The following FAM124A variants were observed in gnomAD, a reference collection of about 807,000 sequenced individuals.
FAM124A encodes the protein protein FAM124A.
Under a neutral mutation model 24.5 loss-of-function variants are expected in FAM124A, and 23 were observed. The ratio of observed to expected loss-of-function variants is 0.94; its 90% CI spans 0.68 to 1.33. The LOEUF is 1.33. FAM124A is among the 40% of genes most tolerant of loss of function. The pLI, the probability that FAM124A is intolerant of heterozygous loss-of-function variation, is 0.00. For synonymous variants in FAM124A, 287 were observed against 314.7 expected (o/e 0.91, Z 0.93); for missense variants, 623 against 722.8 (o/e 0.86, Z 1.58).
chr13:51,272,404 G>A lies in FAM124A; in HGVS notation c.835-8046G>A, dbSNP rs1351584198. 6.6e-6 allele frequency among the ~76,000 whole-genome samples: 1 copy of A among 152,162 alleles called. No individual in the cohort carries two copies. The highest frequency in any genetic ancestry group is 2.4e-5 in the African/African-American group (1 of 41,424). On this transcript the variant is annotated intron_variant, in intron 3 of 3. Transcript: ENST00000322475. This position sits in a 1 kb window ranked among gnomAD's most constrained non-coding sequence, Gnocchi z 4.2. ...GGCCTGGGCCCTAAGAAAGGAGCAG[G>A]AGGGAGATGGCCGGGCTAAATGGGA...
chr13:51,274,666 C>T (rs1472022377), intron 3 of FAM124A, among the ~76,000 whole-genome samples: 1 of 152,116 alleles, frequency 6.6e-6, no homozygotes, highest in Admixed American at 6.5e-5. Flanking sequence ...TCATAACTTA[C>T]ACACATATAA....
chr13:51,250,777 C>G (rs1954611896), intron 2 of FAM124A, among the ~76,000 whole-genome samples: 1 of 152,206 alleles, frequency 6.6e-6, no homozygotes, highest in South Asian at 2.1e-4. Context: ...TCATCCTTCC[C>G]TGTGTCTCCA....
chr13:51,233,230 G>A (rs527858343), intron 2 of FAM124A, among the ~76,000 whole-genome samples: 39 of 151,920 alleles, frequency 2.6e-4, no homozygotes, highest in South Asian at 6.3e-4. Context: ...TGACTACACC[G>A]TTCTCAGCTT....
At position 51,235,303 on chromosome 13, in the gene FAM124A, T is replaced by C. The variant is rs17075439; in HGVS notation, c.100+3924T>C. On this transcript the variant is annotated intron_variant, in intron 2 of 3. Coordinates refer to ENST00000322475, the MANE Select transcript of FAM124A (RefSeq NM_001242312.2). The stretch of plus-strand genomic sequence containing the variant: ...ATCTAATGAGATCATCAAGCCACTA[T>C]GTACAATTTACATTCTTATGCAGTT... Among the ~76,000 whole-genome samples, 1,195 of 152,270 alleles carry C rather than the reference T, an allele frequency of 7.8e-3. 16 individuals are homozygous for C. The highest frequency in any genetic ancestry group is 0.027 in the African/African-American group (1,119 of 41,528).
chr13:51,269,600 G>GA (rs1283200084), intron 3 of FAM124A, among the ~76,000 whole-genome samples: 1 of 152,082 alleles, frequency 6.6e-6, no homozygotes, highest in Non-Finnish European at 1.5e-5. Flanking sequence ...TACTTAAAAA[G>GA]AAAATCAATA....
rs143119311 is a variant in FAM124A at position 51,280,881 on chromosome 13, A to G, written c.1266A>G (p.Ser422=). Residue 422 remains serine, a synonymous_variant, in exon 4 of 4, where the codon TCA becomes TCG. Coordinates refer to ENST00000322475, the MANE Select transcript of FAM124A (RefSeq NM_001242312.2). ...TDVDTGLRLS[S]SDLSVVSAYS... ...TGGACACAGGCCTGCGGCTGTCCTC[A>G]TCGGACCTGTCTGTGGTCTCTGCAT... 136 of 1,614,184 alleles carry G rather than the reference A, an allele frequency of 8.4e-5. No individual in the cohort carries two copies. In the African/African-American group the frequency reaches 1.1e-3, roughly 13 times the overall value.
At position 51,258,364 on chromosome 13, in the gene FAM124A, T is replaced by G. The variant is rs952778508; in HGVS notation, c.834+6163T>G. Among the ~76,000 whole-genome samples the G allele has an allele frequency of 6.6e-6, 1 of 152,220 alleles. No homozygotes were observed. Among genetic ancestry groups the G allele is most frequent in the Non-Finnish European group, 1.5e-5 (1 of 68,038 alleles). Reference sequence around the variant, plus strand: ...AACCCATAACAACTATCTTGTATATTTATCTGTTTACTTGTATCTGATCTG... The same window carrying G: ...AACCCATAACAACTATCTTGTATATGTATCTGTTTACTTGTATCTGATCTG... On this transcript the variant is annotated intron_variant, in intron 3 of 3. Transcript: ENST00000322475. The surrounding 1 kb of genome is among the most constrained non-coding windows in gnomAD (Gnocchi z 4.2).
Position 51,281,342 on chromosome 13 carries a change from C to T in FAM124A, c.*86C>T. The T allele has an allele frequency of 1.5e-6, 2 of 1,300,492 alleles. No individual in the cohort carries two copies. Among genetic ancestry groups the T allele is most frequent in the Non-Finnish European group, 2.1e-6 (2 of 967,666 alleles). 80.6% of individuals were successfully genotyped at this position (1,300,492 alleles called of 1,614,324 possible). ...GCCCCTCTGGCCACTGAGCACACCACATTCTTCATGATCCATTTCCCAGGA... is the reference window on the plus strand; with the variant it reads ...GCCCCTCTGGCCACTGAGCACACCATATTCTTCATGATCCATTTCCCAGGA... On this transcript the variant is annotated 3_prime_UTR_variant, in exon 4 of 4. Coordinates refer to ENST00000322475, the MANE Select transcript of FAM124A (RefSeq NM_001242312.2).
At chr13:51,273,553 G>A (rs1219842194) in intron 3 of FAM124A, among the ~76,000 whole-genome samples, 4 of 151,952 alleles carry the variant, frequency 2.6e-5, no homozygotes, top group African/African-American at 4.8e-5. Context: ...GACTACAGGC[G>A]TGTAACATTG....
At chr13:51,227,773 A>G (rs1324372933) in intron 1 of FAM124A, among the ~76,000 whole-genome samples, 1 of 152,160 alleles carries the variant, frequency 6.6e-6, no homozygotes, top group African/African-American at 2.4e-5. Context: ...ATGAACTTCC[A>G]CTTCCATCTC....
At chr13:51,250,275 T>A (rs1954605056) in intron 2 of FAM124A, among the ~76,000 whole-genome samples, 2 of 152,202 alleles carry the variant, frequency 1.3e-5, no homozygotes, top group Admixed American at 6.5e-5. Context: ...ACATGATCAC[T>A]GTATGCCTGA....
At chr13:51,250,548 T>C (rs953263303) in intron 2 of FAM124A, among the ~76,000 whole-genome samples, 1 of 152,226 alleles carries the variant, frequency 6.6e-6, no homozygotes, top group East Asian at 1.9e-4. Context: ...ACAGTCAACT[T>C]CATGCTTGGA....
chr13:51,260,437 C>A (rs1954723530), intron 3 of FAM124A, among the ~76,000 whole-genome samples: 1 of 152,194 alleles, frequency 6.6e-6, no homozygotes, highest in South Asian at 2.1e-4. Context: ...CCCAGTTGGT[C>A]TTGCCTGACA....
intron 3 of FAM124A, among the ~76,000 whole-genome samples, chr13:51,276,304 CT>C (rs1954885584): frequency 6.6e-6 from 1 of 152,108 alleles, no homozygotes. Context: ...GGAATAAGTA[CT>C]TTTACCCTGA....
intron 1 of FAM124A, among the ~76,000 whole-genome samples, chr13:51,225,944 G>C (rs1290176259): frequency 7.2e-6 from 1 of 139,650 alleles, no homozygotes; most frequent in Admixed American, 7.1e-5. Context: ...GAGGAGAAAA[G>C]ATGATAATCT....
At chr13:51,226,935 C>T (rs1232802882) in intron 1 of FAM124A, among the ~76,000 whole-genome samples, 1 of 152,130 alleles carries the variant, frequency 6.6e-6, no homozygotes, top group Non-Finnish European at 1.5e-5. Context: ...GTAGTACCTA[C>T]CTTCTAGGGT....
At chr13:51,240,828 A>G (rs987907845) in intron 2 of FAM124A, among the ~76,000 whole-genome samples, 2 of 152,172 alleles carry the variant, frequency 1.3e-5, no homozygotes, top group Non-Finnish European at 2.9e-5. Flanking sequence ...TGCTCTTCTC[A>G]GGGATCCCAA....
intron 3 of FAM124A, among the ~76,000 whole-genome samples, chr13:51,254,159 C>T (rs1009938247): frequency 1.3e-5 from 2 of 152,090 alleles, no homozygotes; most frequent in Non-Finnish European, 2.9e-5. Flanking sequence ...TAGCAGTGTA[C>T]GTTCCCTGAG....
At chr13:51,235,515 A>G (rs1283923251) in intron 2 of FAM124A, among the ~76,000 whole-genome samples, 1 of 152,242 alleles carries the variant, frequency 6.6e-6, no homozygotes, top group Non-Finnish European at 1.5e-5. Context: ...GGAACTTAAA[A>G]ATTATATTTT....
Sources: gnomAD v4.1 joint callset for allele counts (sites outside exome capture counted in the v4.1 genomes callset) on GRCh38, gnomAD v4.1.1 for gene constraint, Gnocchi (gnomAD v3.1) non-coding constraint, MANE v1.5 for transcripts, NCBI Gene and HGNC (gene_info 2026-07-23, HGNC 2026-07-21) for gene names.